The following RBMS3 variants were observed in gnomAD, a reference collection of about 807,000 sequenced individuals.
RBMS3 encodes RNA-binding motif, single-stranded-interacting protein 3.
RBMS3 carries 27 observed loss-of-function variants against 66.8 expected under a neutral mutation model. That is an observed-to-expected ratio of 0.40 (90% CI 0.30 to 0.56). The LOEUF is 0.56. Ranked by LOEUF, RBMS3 falls within the 20% of genes least tolerant of loss-of-function variation. RBMS3 has a pLI of 0.40. For synonymous variants in RBMS3, 188 were observed against 183.0 expected (o/e 1.03, Z -0.22); for missense variants, 513 against 549.5 (o/e 0.93, Z 0.66).
At chr3:29,545,306 A>T (rs1285998628) in intron 3 of RBMS3, among the ~76,000 whole-genome samples, 2 of 152,136 alleles carry the variant, frequency 1.3e-5, no homozygotes, top group African/African-American at 4.8e-5. Context: ...TACGATTAGA[A>T]ATAATTTCAT....
chr3:29,563,050 A>G (rs952069678), intron 3 of RBMS3, among the ~76,000 whole-genome samples: 1 of 152,176 alleles, frequency 6.6e-6, no homozygotes, highest in Non-Finnish European at 1.5e-5. Flanking sequence ...TAACGCTTTG[A>G]TCTGGAAAAG....
chr3:29,800,866 T>C (rs934038395), intron 6 of RBMS3, among the ~76,000 whole-genome samples: 2 of 152,128 alleles, frequency 1.3e-5, no homozygotes, highest in African/African-American at 4.8e-5. Flanking sequence ...TTTCTCAAAT[T>C]TTCCCAGTTC....
chr3:29,519,537 T>C (rs2044772264), intron 3 of RBMS3, among the ~76,000 whole-genome samples: 1 of 152,190 alleles, frequency 6.6e-6, no homozygotes, highest in African/African-American at 2.4e-5. Flanking sequence ...TATGCCATTC[T>C]CCTCAGATGA....
chr3:29,935,038 CTG>C (rs1375009776), intron 10 of RBMS3, among the ~76,000 whole-genome samples: 5 of 152,220 alleles, frequency 3.3e-5, no homozygotes, highest in Middle Eastern at 6.8e-3. Flanking sequence ...TTGATCATAA[CTG>C]AGTATTTAAA....
intron 10 of RBMS3, chr3:29,902,986 G>A (rs1320908112): frequency 1.3e-5 from 2 of 151,946 alleles, no homozygotes; most frequent in African/African-American, 4.8e-5. Flanking sequence ...TGGTAAGAGA[G>A]AAATGAAATG....
chr3:29,557,616 G>A (rs578213142), intron 3 of RBMS3, among the ~76,000 whole-genome samples: 2 of 152,280 alleles, frequency 1.3e-5, no homozygotes, highest in South Asian at 4.2e-4. Context: ...CACACAAAGG[G>A]ACTGACACTG....
chr3:29,959,298 T>G (rs928516213), intron 12 of RBMS3, among the ~76,000 whole-genome samples: 7 of 152,156 alleles, frequency 4.6e-5, no homozygotes, highest in African/African-American at 1.7e-4. Flanking sequence ...TGACTTAGCA[T>G]GTTCAATTTT....
At chr3:29,847,729 C>G (rs556552153) in intron 6 of RBMS3, among the ~76,000 whole-genome samples, 111 of 152,114 alleles carry the variant, frequency 7.3e-4, no homozygotes, top group African/African-American at 2.6e-3. Flanking sequence ...GATCTCGGCT[C>G]ACTGCAGGCT....
At chr3:29,815,079 C>G (rs2149464544) in intron 6 of RBMS3, among the ~76,000 whole-genome samples, 1 of 152,278 alleles carries the variant, frequency 6.6e-6, no homozygotes, top group Admixed American at 6.5e-5. Flanking sequence ...ATTGATTGAA[C>G]ATTAGCTTAC....
At chr3:29,748,067 A>G (rs1216871364) in intron 5 of RBMS3, among the ~76,000 whole-genome samples, 1 of 152,178 alleles carries the variant, frequency 6.6e-6, no homozygotes, top group Non-Finnish European at 1.5e-5. Flanking sequence ...AATAGAGAGT[A>G]TGGGGCAATA....
intron 4 of RBMS3, among the ~76,000 whole-genome samples, chr3:29,606,848 C>T (rs1410123820): frequency 6.6e-6 from 1 of 151,890 alleles, no homozygotes; most frequent in Non-Finnish European, 1.5e-5. Flanking sequence ...AAATTCTATC[C>T]ATCAATGTGC....
chr3:29,614,430 A>G (rs938695987), intron 4 of RBMS3: 7 of 152,186 alleles, frequency 4.6e-5, no homozygotes, highest in African/African-American at 1.2e-4. Flanking sequence ...ACAATTTATT[A>G]TATACTTGAA....
intron 14 of RBMS3, among the ~76,000 whole-genome samples, chr3:29,997,062 G>C (rs1485203977): frequency 2.0e-5 from 3 of 151,202 alleles, no homozygotes; most frequent in Non-Finnish European, 4.4e-5. Context: ...TCAAATAGAC[G>C]CAATAAAAAA....
At chr3:29,960,054 C>T (rs1028929679) in intron 12 of RBMS3, among the ~76,000 whole-genome samples, 8 of 152,106 alleles carry the variant, frequency 5.3e-5, no homozygotes, top group Admixed American at 2.0e-4. Flanking sequence ...CTCATTCCAG[C>T]GTTAACCCAA....
intron 2 of RBMS3, among the ~76,000 whole-genome samples, chr3:29,456,648 TAATAGGAAA>T (rs2042200964): frequency 6.6e-6 from 1 of 152,158 alleles, no homozygotes; most frequent in Admixed American, 6.6e-5. Flanking sequence ...GTATTTTTTA[TAATAGGAAA>T]AAATGGATAT....
intron 2 of RBMS3, among the ~76,000 whole-genome samples, chr3:29,445,773 C>A (rs1397237417): frequency 6.6e-6 from 1 of 151,988 alleles, no homozygotes; most frequent in African/African-American, 2.4e-5. Context: ...TTTTAAAAAA[C>A]AAATTTTTGT....
At chr3:29,785,903 T>C (rs1480068786) in intron 6 of RBMS3, among the ~76,000 whole-genome samples, 2 of 151,952 alleles carry the variant, frequency 1.3e-5, no homozygotes, top group African/African-American at 4.8e-5. Flanking sequence ...AGTCAAACTG[T>C]CACTGTTTGC....
chr3:29,805,324 A>G (rs1035986904), intron 6 of RBMS3, among the ~76,000 whole-genome samples: 1 of 152,086 alleles, frequency 6.6e-6, no homozygotes, highest in African/African-American at 2.4e-5. Flanking sequence ...ATACTTGATC[A>G]TGATAATAAA....
At chr3:29,371,219 A>G (rs1005836256) in intron 1 of RBMS3, among the ~76,000 whole-genome samples, 8 of 152,226 alleles carry the variant, frequency 5.3e-5, no homozygotes, top group African/African-American at 1.7e-4. Flanking sequence ...TCATTTCAAC[A>G]TACTTAATGT....
Sources: allele counts gnomAD v4.1 joint callset (sites outside exome capture counted in the v4.1 genomes callset), GRCh38; gene constraint gnomAD v4.1.1; transcripts MANE v1.5; gene names NCBI Gene and HGNC (gene_info 2026-07-23, HGNC 2026-07-21).